The following ZFHX3 variants were observed in gnomAD, a reference collection of about 807,000 sequenced individuals.
ZFHX3 encodes zinc finger homeobox protein 3.
ZFHX3 carries 42 observed loss-of-function variants against 279.1 expected under a neutral mutation model. The observed-to-expected ratio is 0.15, with a 90% CI of 0.12 to 0.19. ZFHX3 has a LOEUF of 0.19. Ranked by LOEUF, ZFHX3 falls within the 10% of genes least tolerant of loss-of-function variation. The probability of loss-of-function intolerance (pLI) is 1.00; values close to 1 mark genes in which losing one functional copy is unlikely to be tolerated. For missense variants in ZFHX3, 4,981 were observed against 4,754.0 expected (o/e 1.05, Z -1.40); for synonymous variants, 2,293 against 1,957.8 (o/e 1.17, Z -4.52).
At chr16:73,595,970 C>A (rs58838593) in intron 2 of ZFHX3, among the ~76,000 whole-genome samples, 26,545 of 148,460 alleles carry the variant, frequency 0.18, 2,457 homozygotes, top group East Asian at 0.2. Context: ...CTCTCCCGAC[C>A]ATTACTTTTT....
rs554281682 is a variant in ZFHX3, at chr16:73,468,358, A to G, written c.-1546-12100T>C. ...TTAAGGACGGTTCCTGGAAACTGAC[A>G]TACGGGCTTAGTCACATCTTCACAC... On this transcript the variant is annotated intron_variant, in intron 2 of 17. Transcript: ENST00000641206. Among the ~76,000 whole-genome samples, 164 of 152,336 alleles carry G rather than the reference A, an allele frequency of 1.1e-3. 1 individual carries two copies. The highest frequency in any genetic ancestry group is 2.0e-3 in the Non-Finnish European group (134 of 68,036).
chr16:73,846,172 T>G (rs1327075385), intron 1 of ZFHX3, among the ~76,000 whole-genome samples: 1 of 152,176 alleles, frequency 6.6e-6, no homozygotes, highest in East Asian at 1.9e-4. Context: ...AGCTGTATAT[T>G]GCCATCAACA....
chr16:73,559,043 T>TG (rs1190504866), intron 2 of ZFHX3, among the ~76,000 whole-genome samples: 51 of 150,354 alleles, frequency 3.4e-4, no homozygotes, highest in South Asian at 3.1e-3. Flanking sequence ...CACTCCTCTT[T>TG]TTGTGTGTGT....
chr16:73,152,489 T>C (rs1376551189), intron 5 of ZFHX3, among the ~76,000 whole-genome samples: 2 of 152,128 alleles, frequency 1.3e-5, no homozygotes, highest in Non-Finnish European at 2.9e-5. Flanking sequence ...TCAAGGAACA[T>C]TTTCAGAGTA....
chr16:72,973,097 T>C (rs1962179975), intron 1 of ZFHX3, among the ~76,000 whole-genome samples: 1 of 152,228 alleles, frequency 6.6e-6, no homozygotes, highest in Non-Finnish European at 1.5e-5. Flanking sequence ...CACTTGAATA[T>C]GTGTCTCATA....
chr16:73,863,757 C>T lies in ZFHX3; in HGVS notation c.-1608+27894G>A, dbSNP rs189785828. ...TCTTTATGTCTTGCAAAGCATCTAG[C>T]GAAGTGTATTGTATATCATATTCAG... is the stretch of plus-strand genomic sequence containing the variant. On this transcript the variant is annotated intron_variant, in intron 1 of 17. Transcript: ENST00000641206. Among the ~76,000 whole-genome samples the T allele has an allele frequency of 4.7e-3, 720 of 152,200 alleles. 7 individuals carry two copies. The highest frequency in any genetic ancestry group is 0.016 in the African/African-American group (665 of 41,512).
chr16:73,641,791 C>T (rs1161689668), intron 2 of ZFHX3, among the ~76,000 whole-genome samples: 1 of 152,116 alleles, frequency 6.6e-6, no homozygotes, highest in Admixed American at 6.6e-5. Context: ...ATGGGAACTG[C>T]TATTGGTAAT....
chr16:73,423,127 T>C (rs1274477853), intron 3 of ZFHX3, among the ~76,000 whole-genome samples: 1 of 152,154 alleles, frequency 6.6e-6, no homozygotes, highest in Non-Finnish European at 1.5e-5. Context: ...TCCAGTCCCA[T>C]TCTGAGATAC....
At position 73,120,649 on chromosome 16, in the gene ZFHX3, C is replaced by CTTTTTTTTTTTT. The variant is rs140219846; in HGVS notation, c.-897+10318_-897+10319insAAAAAAAAAAAA. On this transcript the variant is annotated intron_variant, in intron 7 of 17. Coordinates refer to the ZFHX3 transcript ENST00000641206. ...TTGTTTTTCTGCCCTATCCTCTCTA[C>CTTTTTTTTTTTT]CTTTTTTTTTTTTTTTTTTTTTTGA... is the stretch of plus-strand genomic sequence containing the variant. 1.9e-5 allele frequency among the ~76,000 whole-genome samples: 2 copies of CTTTTTTTTTTTT among 106,202 alleles called. 1 individual carries two copies. 69.7% of individuals were successfully genotyped at this position (106,202 alleles called of 152,430 possible).
At chr16:73,813,229 TTC>T (rs3082305) in intron 1 of ZFHX3, among the ~76,000 whole-genome samples, 50,587 of 147,062 alleles carry the variant, frequency 0.34, 8,815 homozygotes, top group African/African-American at 0.43. Context: ...CTCTTTCTCT[TTC>T]TCTCTCTCTC....
intron 1 of ZFHX3, among the ~76,000 whole-genome samples, chr16:73,000,393 T>C (rs1043862352): frequency 6.6e-6 from 1 of 152,226 alleles, no homozygotes; most frequent in Non-Finnish European, 1.5e-5. Flanking sequence ...AAAGCTCAGC[T>C]TGTTCTAGTG....
intron 1 of ZFHX3, among the ~76,000 whole-genome samples, chr16:73,783,976 T>C (rs1959555314): frequency 6.6e-6 from 1 of 152,086 alleles, no homozygotes; most frequent in Admixed American, 6.5e-5. Context: ...TGGGTGTCTT[T>C]AGAAAACAAG....
At chr16:73,250,307 G>A (rs918758906) in intron 5 of ZFHX3, among the ~76,000 whole-genome samples, 4 of 152,198 alleles carry the variant, frequency 2.6e-5, no homozygotes, top group African/African-American at 9.7e-5. Context: ...AAGCATATCT[G>A]TCATGTAATA....
intron 7 of ZFHX3, among the ~76,000 whole-genome samples, chr16:73,124,393 T>C (rs930929747): frequency 6.6e-6 from 1 of 152,140 alleles, no homozygotes; most frequent in African/African-American, 2.4e-5. Context: ...TTCCATTCAT[T>C]CATGAGAGCT....
At chr16:73,382,813 G>A (rs1292462906) in intron 3 of ZFHX3, among the ~76,000 whole-genome samples, 1 of 152,172 alleles carries the variant, frequency 6.6e-6, no homozygotes, top group Non-Finnish European at 1.5e-5. Context: ...AGAAACAAAT[G>A]TGTGTCTCTG....
chr16:73,625,428 T>C (rs1373738458), intron 2 of ZFHX3, among the ~76,000 whole-genome samples: 2 of 152,214 alleles, frequency 1.3e-5, no homozygotes, highest in Non-Finnish European at 2.9e-5. Context: ...AGTTCAGGAT[T>C]CTGGGTGCCT....
At chr16:72,823,077 G>T (rs2036839768) in intron 5 of ZFHX3, among the ~76,000 whole-genome samples, 1 of 152,052 alleles carries the variant, frequency 6.6e-6, no homozygotes, top group Admixed American at 6.6e-5. Context: ...ACTGAAAGTG[G>T]CCTGGAAAAA....
At chr16:73,721,813 G>A (rs112357443) in intron 1 of ZFHX3, among the ~76,000 whole-genome samples, 7,281 of 152,236 alleles carry the variant, frequency 0.048, 581 homozygotes, top group African/African-American at 0.17. Context: ...GGGAGGCTGA[G>A]ACAGGCAGAT....
At chr16:73,692,104 G>C (rs924030766) in intron 1 of ZFHX3, among the ~76,000 whole-genome samples, 6 of 152,178 alleles carry the variant, frequency 3.9e-5, no homozygotes, top group African/African-American at 1.4e-4. Flanking sequence ...CTGGTGGTTT[G>C]AAAATACGTC....
Sources: gnomAD v4.1 joint callset for allele counts (sites outside exome capture counted in the v4.1 genomes callset) on GRCh38, gnomAD v4.1.1 for gene constraint, MANE v1.5 for transcripts, NCBI Gene and HGNC (gene_info 2026-07-23, HGNC 2026-07-21) for gene names.